UBE3D: variants seen among roughly 807,000 people sequenced by gnomAD.
The protein encoded by UBE3D is E3 ubiquitin-protein ligase E3D.
UBE3D carries 48 observed loss-of-function variants against 49.6 expected under a neutral mutation model. The observed-to-expected ratio is 0.97, with a 90% confidence interval of 0.77 to 1.23. The LOEUF is 1.23. UBE3D is among the 50% of genes most tolerant of loss of function. The pLI, the probability that UBE3D is intolerant of heterozygous loss-of-function variation, is 0.00. For missense variants in UBE3D, 452 were observed against 468.4 expected, an observed-to-expected ratio of 0.96 and a Z score of 0.32; for synonymous variants, 189 against 174.2, an observed-to-expected ratio of 1.08 and a Z score of -0.67.
chr6:83,051,646 C>T (rs1275188742), intron 3 of UBE3D, among the ~76,000 whole-genome samples: 2 of 152,192 alleles, frequency 1.3e-5, no homozygotes, highest in African/African-American at 4.8e-5. Context: ...AAGGAAAACA[C>T]TCTTGGTTCA....
chr6:83,030,573 A>T (rs1162232421), intron 5 of UBE3D, among the ~76,000 whole-genome samples: 1 of 152,312 alleles, frequency 6.6e-6, no homozygotes, highest in Non-Finnish European at 1.5e-5. Flanking sequence ...CTTTATTAGC[A>T]GCATGAGAAC....
downstream of UBE3D, among the ~76,000 whole-genome samples, chr6:82,890,464 G>T (rs1224130182): frequency 6.6e-6 from 1 of 152,180 alleles, no homozygotes; most frequent in Admixed American, 6.5e-5. Flanking sequence ...ATCCAATGGA[G>T]ACCTGTTGAG....
At chr6:82,927,424 A>G (rs951742919) in intron 9 of UBE3D, among the ~76,000 whole-genome samples, 2 of 152,010 alleles carry the variant, frequency 1.3e-5, no homozygotes, top group Non-Finnish European at 2.9e-5. Flanking sequence ...ATGGGATTGC[A>G]TGGAATCTAT....
intron 9 of UBE3D, among the ~76,000 whole-genome samples, chr6:82,955,185 C>CT (rs1776076593): frequency 6.6e-6 from 1 of 152,170 alleles, no homozygotes; most frequent in African/African-American, 2.4e-5. Context: ...GGGGCAAGGC[C>CT]TTCTGGGTCT....
chr6:83,046,711 T>A (rs1045871733), intron 3 of UBE3D, among the ~76,000 whole-genome samples: 2 of 146,944 alleles, frequency 1.4e-5, no homozygotes, highest in African/African-American at 2.6e-5. Flanking sequence ...GCAGTACAGA[T>A]CCCTTTGAAT....
intron 8 of UBE3D, among the ~76,000 whole-genome samples, chr6:82,967,516 C>T (rs1390357002): frequency 6.6e-6 from 1 of 152,186 alleles, no homozygotes; most frequent in African/African-American, 2.4e-5. Flanking sequence ...ATCTGTTCTT[C>T]ATCTCTATAA....
intron 9 of UBE3D, among the ~76,000 whole-genome samples, chr6:82,903,152 G>A (rs75757626): frequency 0.025 from 3,764 of 152,048 alleles, 71 homozygotes; most frequent in Non-Finnish European, 0.042. Flanking sequence ...AATGATGCAC[G>A]CATTCTTTTT....
chr6:82,934,316 A>C (rs1198489796), intron 9 of UBE3D, among the ~76,000 whole-genome samples: 4 of 152,226 alleles, frequency 2.6e-5, no homozygotes, highest in Admixed American at 2.6e-4. Flanking sequence ...TCTTTATAGC[A>C]GTGTGAGAAT....
At chr6:82,977,308 A>G (rs146017108) in intron 8 of UBE3D, among the ~76,000 whole-genome samples, 8 of 152,174 alleles carry the variant, frequency 5.3e-5, no homozygotes, top group African/African-American at 1.7e-4. Context: ...TCTATAGCAT[A>G]CAAACCTATT....
At chr6:82,890,764 G>C (rs1770965021), downstream of UBE3D, among the ~76,000 whole-genome samples, 1 of 152,158 alleles carries the variant, frequency 6.6e-6, no homozygotes, top group African/African-American at 2.4e-5. Context: ...AGGGAGGCAA[G>C]GTTAGAAAAT....
intron 8 of UBE3D, among the ~76,000 whole-genome samples, chr6:83,004,485 T>C (rs1380225398): frequency 6.6e-6 from 1 of 152,214 alleles, no homozygotes; most frequent in Non-Finnish European, 1.5e-5. Context: ...ATTTCTGAAG[T>C]TTAAGTATAT....
At chr6:82,894,270 A>G (rs1582261254) in intron 9 of UBE3D, among the ~76,000 whole-genome samples, 1 of 151,986 alleles carries the variant, frequency 6.6e-6, no homozygotes, top group Admixed American at 6.6e-5. Context: ...CATCCTGCCC[A>G]ACCACCTGAC....
intron 8 of UBE3D, among the ~76,000 whole-genome samples, chr6:83,002,545 C>T (rs768852738): frequency 2.6e-5 from 4 of 152,168 alleles, no homozygotes; most frequent in Non-Finnish European, 2.9e-5. Context: ...ATTAGCTGGG[C>T]GTGGTAGCGG....
chr6:82,933,976 G>C (rs1554186778), intron 9 of UBE3D, among the ~76,000 whole-genome samples: 5 of 152,122 alleles, frequency 3.3e-5, no homozygotes, highest in Non-Finnish European at 4.4e-5. Flanking sequence ...ATATGGTCTG[G>C]CTCTGTGTCT....
intron 9 of UBE3D, among the ~76,000 whole-genome samples, chr6:82,917,553 A>AT (rs1773014092): frequency 6.6e-6 from 1 of 152,218 alleles, no homozygotes; most frequent in Non-Finnish European, 1.5e-5. Context: ...CAGTAAGTAC[A>AT]TATTTAACCA....
intron 8 of UBE3D, among the ~76,000 whole-genome samples, chr6:82,989,718 T>G (rs1406740952): frequency 6.6e-6 from 1 of 152,202 alleles, no homozygotes; most frequent in African/African-American, 2.4e-5. Flanking sequence ...GAAAGGGAAC[T>G]GTCCCATATG....
chr6:83,058,276 G>A (rs773044080), intron 1 of UBE3D, among the ~76,000 whole-genome samples: 6 of 152,104 alleles, frequency 3.9e-5, no homozygotes, highest in Admixed American at 3.9e-4. Context: ...CTTCTGAGAA[G>A]AGCACTAAAA....
chr6:83,025,899 A>G (rs1275115588), intron 5 of UBE3D, among the ~76,000 whole-genome samples: 8 of 151,162 alleles, frequency 5.3e-5, no homozygotes, highest in East Asian at 3.9e-4. Context: ...AAAAAAAAAA[A>G]AAAAAAGAAA....
intron 8 of UBE3D, among the ~76,000 whole-genome samples, chr6:82,965,537 AC>A (rs1319850363): frequency 6.8e-6 from 1 of 146,008 alleles, no homozygotes; most frequent in Admixed American, 7.2e-5. Flanking sequence ...GAGCCGAGAT[AC>A]CGCCATTGTC....
Sources: allele counts gnomAD v4.1 joint callset (sites outside exome capture counted in the v4.1 genomes callset), GRCh38; gene constraint gnomAD v4.1.1; transcripts MANE v1.5; gene names NCBI Gene and HGNC (gene_info 2026-07-23, HGNC 2026-07-21).